Variants in BLOC1S3 observed in about 807,000 individuals in gnomAD.
The protein encoded by BLOC1S3 is biogenesis of lysosomal organelles complex 1 subunit 3.
BLOC1S3 carries 7 observed loss-of-function variants against 9.1 expected under a neutral mutation model. The ratio of observed to expected loss-of-function variants is 0.77; its 90% CI spans 0.44 to 1.45. The LOEUF (loss-of-function observed/expected upper bound fraction) is 1.45, where lower values mean the gene tolerates loss of function less well. Ranked by LOEUF, BLOC1S3 falls within the 40% of genes most tolerant of loss-of-function variation. The pLI, the probability that BLOC1S3 is intolerant of heterozygous loss-of-function variation, is 0.01. For synonymous variants in BLOC1S3, 145 were observed against 158.4 expected, an observed-to-expected ratio of 0.92 and a Z score of 0.64; for missense variants, 307 against 315.2, an observed-to-expected ratio of 0.97 and a Z score of 0.20.
chr19:45,189,078 G>A (rs1470028761), intron 2 of BLOC1S3, among the ~76,000 whole-genome samples: 2 of 152,118 alleles, frequency 1.3e-5, no homozygotes, highest in Non-Finnish European at 2.9e-5. Flanking sequence ...CCAAAGTGCT[G>A]GGATTACAGG....
chr19:45,208,841 C>T (rs1405123124), intron 3 of BLOC1S3, among the ~76,000 whole-genome samples: 1 of 150,846 alleles, frequency 6.6e-6, no homozygotes, highest in Non-Finnish European at 1.5e-5. Flanking sequence ...GTATAAACTA[C>T]ATAAAACTCA....
At chr19:45,183,415 G>A (rs1969541447), downstream of BLOC1S3, among the ~76,000 whole-genome samples, 1 of 150,928 alleles carries the variant, frequency 6.6e-6, no homozygotes, top group Non-Finnish European at 1.5e-5. Flanking sequence ...GGCAGCAGTT[G>A]CAGTGAGCCA....
chr19:45,203,988 G>A (rs2122930612), intron 3 of BLOC1S3, among the ~76,000 whole-genome samples: 1 of 152,066 alleles, frequency 6.6e-6, no homozygotes, highest in African/African-American at 2.4e-5. Flanking sequence ...TGGTTCAGTA[G>A]GTTAAGTGGG....
At chr19:45,216,337 A>G in intron 3 of BLOC1S3, 2 of 1,192,142 alleles carry the variant, frequency 1.7e-6, no homozygotes, top group Non-Finnish European at 2.3e-6. Context: ...GCACTTTGGG[A>G]GGAGGCCGAG....
At chr19:45,212,212 T>C (rs1202895737) in intron 3 of BLOC1S3, among the ~76,000 whole-genome samples, 1 of 152,106 alleles carries the variant, frequency 6.6e-6, no homozygotes, top group African/African-American at 2.4e-5. Flanking sequence ...TGTACATGGG[T>C]TGGCGTCGCT....
rs1181511634 is a variant in BLOC1S3, at chr19:45,216,009, T to C, written n.283-667T>C. 1.1e-5 allele frequency: 17 copies of C among 1,595,944 alleles called. No homozygotes were observed. The Admixed American group carries it at 2.9e-4, about 27-fold the overall frequency. ...AGGAGGCAGGAAGCACAGGGACGGATGCCAAGGCCGCCAGGAGACCTCGGC... is the reference window on the plus strand; with the variant it reads ...AGGAGGCAGGAAGCACAGGGACGGACGCCAAGGCCGCCAGGAGACCTCGGC... On this transcript the variant is annotated intron_variant and non_coding_transcript_variant, in intron 3 of 3. Coordinates refer to the BLOC1S3 transcript ENST00000591569.
Position 45,216,309 on chromosome 19 carries a change from C to G in BLOC1S3, n.283-367C>G, listed in dbSNP as rs553504116. 1.2e-5 allele frequency: 17 copies of G among 1,401,840 alleles called. No homozygotes were observed. The African/African-American group carries it at 2.3e-4, about 19-fold the overall frequency. 86.8% of individuals were successfully genotyped at this position (1,401,840 alleles called of 1,614,324 possible). On this transcript the variant is annotated intron_variant and non_coding_transcript_variant, in intron 3 of 3. Coordinates refer to the BLOC1S3 transcript ENST00000591569. ...ATGTAGCAGAAACCAGGGGTGGTGG[C>G]TCAAGCCTGTAATCCCAGCACTTTG... is the stretch of plus-strand genomic sequence containing the variant.
At chr19:45,216,508 G>C (rs958310667) in intron 3 of BLOC1S3, among the ~76,000 whole-genome samples, 5 of 152,070 alleles carry the variant, frequency 3.3e-5, no homozygotes, top group Admixed American at 1.3e-4. Context: ...GAAATCGAGA[G>C]GCAGAGGTTA....
chr19:45,186,983 C>T (rs1166699087), upstream of BLOC1S3, among the ~76,000 whole-genome samples: 1 of 152,194 alleles, frequency 6.6e-6, no homozygotes, highest in Non-Finnish European at 1.5e-5. Flanking sequence ...AGTCAGCAGG[C>T]AGTCACTATT....
At chr19:45,216,857 C>T (rs1969840650) in exon 4 of BLOC1S3, 1 of 152,130 alleles carries the variant, frequency 6.6e-6, no homozygotes, top group Non-Finnish European at 1.5e-5. Context: ...ATTCCAAGGA[C>T]TCCGGGCTTG....
At chr19:45,202,210 T>TAA (rs59295257) in intron 2 of BLOC1S3, among the ~76,000 whole-genome samples, 860 of 54,856 alleles carry the variant, frequency 0.016, 34 homozygotes, top group African/African-American at 0.041. Flanking sequence ...AGACTCCATC[T>TAA]AAAAAAAAAA....
Position 45,200,147 on chromosome 19 carries a change from ATT to A in BLOC1S3, n.181-2258_181-2257del, listed in dbSNP as rs1969679316. 4.7e-5 allele frequency among the ~76,000 whole-genome samples: 7 copies of A among 150,418 alleles called. No homozygotes were observed. The East Asian group carries it at 1.4e-3, about 29-fold the overall frequency. On this transcript the variant is annotated intron_variant and non_coding_transcript_variant, in intron 2 of 3. Coordinates refer to the BLOC1S3 transcript ENST00000591569. Reference sequence around the variant, plus strand: ...AATTCTACTGTTCAGAGACTGATGCATTCTTCAGTGTGTCAGTTGAATTTTTT... The same window carrying A: ...AATTCTACTGTTCAGAGACTGATGCACTTCAGTGTGTCAGTTGAATTTTTT...
chr19:45,179,518 G>T lies in BLOC1S3; in HGVS notation c.222G>T (p.Thr74=). 1 of 1,523,608 alleles carries T rather than the reference G, an allele frequency of 6.6e-7. No homozygotes were observed. The highest frequency in any genetic ancestry group is 1.2e-5 in the South Asian group (1 of 82,772). The allele number at this position is 1,523,608 out of a possible 1,614,324, so 94.4% of individuals were successfully genotyped here. ...DSEPEPEPEP[T]AAPRDLPPLV... ...AGCCGGAGCCGGAGCCGGAACCGAC[G>T]GCCGCGCCGAGGGACCTGCCTCCAC... Residue 74 remains threonine (T), a synonymous_variant, in exon 2 of 2, where the codon ACG becomes ACT. Transcript: ENST00000433642. The surrounding 1 kb of genome is among the most constrained non-coding windows in gnomAD (Gnocchi z 4.6).
At chr19:45,187,663 CAG>C (rs968113566) in exon 2 of BLOC1S3, 32 of 152,298 alleles carry the variant, frequency 2.1e-4, no homozygotes, top group African/African-American at 7.5e-4. Flanking sequence ...CAGAGTGAAA[CAG>C]AGTCCTAGCC....
At chr19:45,188,202 T>C (rs1472172210) in intron 2 of BLOC1S3, among the ~76,000 whole-genome samples, 4 of 152,140 alleles carry the variant, frequency 2.6e-5, no homozygotes, top group Non-Finnish European at 5.9e-5. Flanking sequence ...TTTGTATTTT[T>C]AGTAGAGTCA....
intron 2 of BLOC1S3, among the ~76,000 whole-genome samples, chr19:45,193,296 C>CT (rs1173932876): frequency 6.6e-6 from 1 of 152,008 alleles, no homozygotes; most frequent in African/African-American, 2.4e-5. Flanking sequence ...GGTTGTTCTT[C>CT]TGAAGGAGAT....
chr19:45,194,528 C>CTT (rs1969633006), intron 2 of BLOC1S3, among the ~76,000 whole-genome samples: 1 of 152,136 alleles, frequency 6.6e-6, no homozygotes, highest in East Asian at 1.9e-4. Context: ...AGACAGTGTG[C>CTT]TTAGATAAAT....
intron 3 of BLOC1S3, among the ~76,000 whole-genome samples, chr19:45,213,684 C>A (rs947522757): frequency 1.3e-5 from 2 of 152,102 alleles, no homozygotes; most frequent in African/African-American, 4.8e-5. Context: ...GTGGCTCATG[C>A]CTGTAATCCC....
chr19:45,179,981 G>A lies in BLOC1S3; in HGVS notation c.*76G>A, dbSNP rs1969492901. 1 of 1,534,762 alleles carries A rather than the reference G, an allele frequency of 6.5e-7. No homozygotes were observed. Among genetic ancestry groups the A allele is most frequent in the Admixed American group, 1.8e-5 (1 of 54,288 alleles). On this transcript the variant is annotated 3_prime_UTR_variant, in exon 2 of 2. Coordinates refer to ENST00000433642, the MANE Select transcript of BLOC1S3 (RefSeq NM_212550.5). This position sits in a 1 kb window ranked among gnomAD's most constrained non-coding sequence, Gnocchi z 4.6. ...CCTCTGGGACCTGACTCTGTCTCCT[G>A]TGTCTCTTATCACCCCCCACCCCCG...
Sources: allele counts gnomAD v4.1 joint callset (sites outside exome capture counted in the v4.1 genomes callset), GRCh38; gene constraint gnomAD v4.1.1; non-coding constraint Gnocchi (gnomAD v3.1); transcripts MANE v1.5; gene names NCBI Gene and HGNC (gene_info 2026-07-23, HGNC 2026-07-21).